The following ALPK2 variants were observed in gnomAD, a reference collection of about 807,000 sequenced individuals.
ALPK2 encodes alpha kinase 2, also known as alpha-protein kinase 2.
ALPK2 carries 127 observed loss-of-function variants against 163.1 expected under a neutral mutation model. The observed-to-expected ratio is 0.78, with a 90% CI of 0.67 to 0.90. ALPK2 has a LOEUF of 0.90. Among genes scored for constraint, ALPK2 ranks in the 40% least tolerant of loss-of-function variants. The probability of loss-of-function intolerance (pLI) is 0.00; values close to 1 mark genes in which losing one functional copy is unlikely to be tolerated. For missense variants in ALPK2, 2,360 were observed against 2,589.6 expected, an observed-to-expected ratio of 0.91 and a Z score of 1.92; for synonymous variants, 953 against 959.1, an observed-to-expected ratio of 0.99 and a Z score of 0.12.
At chr18:58,592,448 C>T (rs892622257) in intron 3 of ALPK2, among the ~76,000 whole-genome samples, 3 of 152,198 alleles carry the variant, frequency 2.0e-5, no homozygotes, top group African/African-American at 7.2e-5. Flanking sequence ...GGAAGAATTA[C>T]ATTTTGGCTG....
chr18:58,497,493 G>A (rs2051406721), intron 12 of ALPK2, among the ~76,000 whole-genome samples: 1 of 152,158 alleles, frequency 6.6e-6, no homozygotes, highest in South Asian at 2.1e-4. Flanking sequence ...CTCACACTAA[G>A]CAAAGCACCA....
At chr18:58,601,725 A>G (rs970828915) in intron 3 of ALPK2, among the ~76,000 whole-genome samples, 3 of 152,084 alleles carry the variant, frequency 2.0e-5, no homozygotes, top group African/African-American at 7.2e-5. Context: ...AGCCCAGCCA[A>G]TCCGTAAATG....
chr18:58,580,599 C>A (rs779401189), intron 3 of ALPK2, 51 bp from the exon 4 acceptor site: 1 of 1,443,796 alleles, frequency 6.9e-7, no homozygotes, highest in Admixed American at 1.8e-5. Flanking sequence ...GACATGCATG[C>A]CAACATTTTC....
At chr18:58,622,254 G>A (rs543733773) in intron 1 of ALPK2, among the ~76,000 whole-genome samples, 6 of 152,254 alleles carry the variant, frequency 3.9e-5, no homozygotes, top group Admixed American at 3.3e-4. Flanking sequence ...GGCTGAGGTA[G>A]GAGAATTGCT....
intron 5 of ALPK2, among the ~76,000 whole-genome samples, chr18:58,531,917 CAG>C (rs2051617296): frequency 9.5e-6 from 1 of 105,040 alleles, no homozygotes; most frequent in East Asian, 3.2e-4. Flanking sequence ...AGCCTAGTGA[CAG>C]AGCAAGGCTC....
chr18:58,500,816 G>A (rs1301738283), intron 11 of ALPK2, among the ~76,000 whole-genome samples: 2 of 151,636 alleles, frequency 1.3e-5, no homozygotes, highest in East Asian at 3.9e-4. Flanking sequence ...AGAATTCAAG[G>A]TCTTGAGTTT....
chr18:58,588,301 G>A (rs1340214841), intron 3 of ALPK2, among the ~76,000 whole-genome samples: 2 of 152,126 alleles, frequency 1.3e-5, no homozygotes, highest in East Asian at 1.9e-4. Context: ...AATACGGTTC[G>A]GGACCACTGC....
At chr18:58,489,353 T>C (rs1451544103) in intron 12 of ALPK2, among the ~76,000 whole-genome samples, 2 of 152,186 alleles carry the variant, frequency 1.3e-5, no homozygotes, top group Admixed American at 1.3e-4. Flanking sequence ...GTCTTTGAAA[T>C]TCTGTGATGT....
chr18:58,587,452 C>T (rs2051993353), intron 3 of ALPK2, among the ~76,000 whole-genome samples: 1 of 152,058 alleles, frequency 6.6e-6, no homozygotes, highest in Non-Finnish European at 1.5e-5. Flanking sequence ...TAAACACAAA[C>T]TTTATCTATT....
chr18:58,541,021 T>C (rs1003091817), intron 4 of ALPK2, among the ~76,000 whole-genome samples: 1 of 152,250 alleles, frequency 6.6e-6, no homozygotes. Context: ...ATCATCATAG[T>C]ATCATGCCGT....
chr18:58,578,697 A>G, intron 4 of ALPK2, 117 bp downstream of exon 4: 1 of 880,942 alleles, frequency 1.1e-6, no homozygotes, highest in Non-Finnish European at 1.6e-6. Flanking sequence ...GATTTACATT[A>G]TGGTATAGCA....
chr18:58,627,392 G>A (rs545759873), intron 1 of ALPK2, among the ~76,000 whole-genome samples: 112 of 152,282 alleles, frequency 7.4e-4, no homozygotes, highest in African/African-American at 2.6e-3. Flanking sequence ...AGGCCGAGGC[G>A]GGTGGATCAC....
At chr18:58,554,388 G>T (rs575102333) in intron 4 of ALPK2, among the ~76,000 whole-genome samples, 1 of 152,308 alleles carries the variant, frequency 6.6e-6, no homozygotes, top group Admixed American at 6.5e-5. Context: ...AGGCACCATG[G>T]TTGCTGGTAG....
chr18:58,501,167 G>A (rs1214447400), intron 11 of ALPK2, among the ~76,000 whole-genome samples: 3 of 152,158 alleles, frequency 2.0e-5, no homozygotes, highest in East Asian at 1.9e-4. Context: ...ACACCACCAC[G>A]TTAAACCACA....
chr18:58,485,975 C>A (rs556947410), intron 12 of ALPK2, among the ~76,000 whole-genome samples: 9 of 152,214 alleles, frequency 5.9e-5, no homozygotes, highest in African/African-American at 2.2e-4. Flanking sequence ...AACTAATTCA[C>A]ACTGTGACCT....
rs530348428 is a variant in ALPK2 at position 58,594,386 on chromosome 18, C to T, written c.227+12936G>A. Among the ~76,000 whole-genome samples the T allele has an allele frequency of 2.6e-5, 4 of 152,270 alleles. No homozygotes were observed. In the East Asian group the frequency reaches 5.8e-4, roughly 22 times the overall value. ...CTCAAAGTTATCCAGAAACAATTTC[C>T]ACCCCCAGCACCTAATAGGTCACCA... On this transcript the variant is annotated intron_variant, in intron 3 of 12. Coordinates refer to ENST00000361673, the MANE Select transcript of ALPK2 (RefSeq NM_052947.4).
chr18:58,518,311 C>T (rs763660870), intron 8 of ALPK2, among the ~76,000 whole-genome samples: 1 of 152,054 alleles, frequency 6.6e-6, no homozygotes, highest in Non-Finnish European at 1.5e-5. Flanking sequence ...CTATTCTGAT[C>T]GGGTATTGAT....
intron 2 of ALPK2, among the ~76,000 whole-genome samples, chr18:58,608,913 G>T (rs1292418158): frequency 6.6e-6 from 1 of 150,940 alleles, no homozygotes; most frequent in Non-Finnish European, 1.5e-5. Flanking sequence ...AATCATGATT[G>T]TGCCACTGCA....
At chr18:58,568,984 C>T (rs11873239) in intron 4 of ALPK2, among the ~76,000 whole-genome samples, 244 of 152,222 alleles carry the variant, frequency 1.6e-3, no homozygotes, top group African/African-American at 4.9e-3. Flanking sequence ...GAGGCCAAGG[C>T]AAGAGAATCA....
Sources: gnomAD v4.1 joint callset for allele counts (sites outside exome capture counted in the v4.1 genomes callset) on GRCh38, gnomAD v4.1.1 for gene constraint, MANE v1.5 for transcripts, NCBI Gene and HGNC (gene_info 2026-07-23, HGNC 2026-07-21) for gene names.